The following BANP variants were observed in gnomAD, a reference collection of about 807,000 sequenced individuals.
BANP encodes the protein BTG3 associated nuclear protein.
In BANP, 11 loss-of-function variants were observed where a neutral mutation model predicts 68.1. The observed-to-expected ratio is 0.16, with a 90% CI of 0.10 to 0.27. BANP has a LOEUF of 0.27. BANP is among the 10% of genes least tolerant of loss of function. BANP has a pLI of 1.00. For missense variants in BANP, 504 were observed against 722.7 expected (o/e 0.70, Z 3.47); for synonymous variants, 329 against 303.2 (o/e 1.09, Z -0.88).
At position 88,036,400 on chromosome 16, in the gene BANP, G is replaced by C. The variant is rs775669584; in HGVS notation, c.1272+1006G>C. Among the ~76,000 whole-genome samples the C allele has an allele frequency of 5.3e-5, 8 of 152,170 alleles. No homozygotes were observed. Among genetic ancestry groups the C allele is most frequent in the Non-Finnish European group, 1.0e-4 (7 of 68,020 alleles). ...AGCTCATGCTGGGTGCAGGTGCTGT[G>C]GGGGAGCAGAGGAGAGAGAAGCCCT... On this transcript the variant is annotated intron_variant, in intron 10 of 13. Transcript: ENST00000682872. This position sits in a 1 kb window ranked among gnomAD's most constrained non-coding sequence, Gnocchi z 4.2.
chr16:88,027,289 G>T (rs553499174), intron 7 of BANP, among the ~76,000 whole-genome samples, 194 bp from the exon 8 acceptor site: 1 of 152,154 alleles, frequency 6.6e-6, no homozygotes, highest in Non-Finnish European at 1.5e-5. Context: ...CTCGTGGGGA[G>T]CCCCGCCTGT....
In BANP at chr16:88,006,139, C is replaced by A. The variant is rs1349887448; in HGVS notation, c.529C>A (p.Gln177Lys). ...CACCATTGTGGTGAAGGTGCCGGGC[C>A]AAGAAGACAGCCACCACGAGGACGG... ...QNTIVVKVPG[Q>K]EDSHHEDGES... is the part of the protein sequence containing the mutation. The change falls in exon 6 of 14, where the codon CAA becomes AAA. Residue 177 changes from glutamine to lysine, a missense_variant. Coordinates refer to ENST00000682872, the MANE Select transcript of BANP (RefSeq NM_001386991.1). 6.2e-7 allele frequency: 1 copy of A among 1,613,924 alleles called. No individual in the cohort carries two copies. Among genetic ancestry groups the A allele is most frequent in the Non-Finnish European group, 8.5e-7 (1 of 1,179,976 alleles).
At chr16:88,028,833 A>G (rs1047366336) in intron 8 of BANP, among the ~76,000 whole-genome samples, 11 of 152,336 alleles carry the variant, frequency 7.2e-5, no homozygotes, top group Admixed American at 5.2e-4. Context: ...GCATGATACC[A>G]TTTTTATTGC....
intron 4 of BANP, among the ~76,000 whole-genome samples, chr16:88,001,045 T>G (rs865892188): frequency 4.3e-4 from 23 of 52,962 alleles, no homozygotes; most frequent in African/African-American, 2.0e-3. Context: ...TGCGCGGCTG[T>G]ACTTACCTGT....
chr16:88,017,947 C>T (rs1028120214), intron 6 of BANP, among the ~76,000 whole-genome samples: 17 of 151,990 alleles, frequency 1.1e-4, no homozygotes, highest in African/African-American at 3.4e-4. Flanking sequence ...ACGGGGGCGA[C>T]GCCAGGCCGG....
intron 9 of BANP, chr16:88,035,036 G>T (rs964476146): frequency 1.3e-5 from 5 of 371,384 alleles, no homozygotes; most frequent in African/African-American, 1.0e-4. Context: ...GCACATATGG[G>T]CGGGAAAAAG....
At chr16:88,073,280 T>G (rs1413993029) in intron 13 of BANP, among the ~76,000 whole-genome samples, 2 of 152,230 alleles carry the variant, frequency 1.3e-5, no homozygotes, top group East Asian at 3.9e-4. Flanking sequence ...CGCTCACGTC[T>G]TCACAGCGGG....
At chr16:88,052,248 C>T (rs2083430582) in intron 11 of BANP, among the ~76,000 whole-genome samples, 1 of 152,202 alleles carries the variant, frequency 6.6e-6, no homozygotes, top group South Asian at 2.1e-4. Flanking sequence ...CCACGTCATC[C>T]TTAGAAAGCT....
chr16:88,051,082 C>T (rs2083153706), intron 11 of BANP, among the ~76,000 whole-genome samples: 2 of 152,230 alleles, frequency 1.3e-5, no homozygotes, highest in Non-Finnish European at 2.9e-5. Context: ...ACTCTTCTCC[C>T]GTGATCTCTT....
chr16:87,989,205 G>T (rs11866036), intron 4 of BANP, among the ~76,000 whole-genome samples: 1 of 152,336 alleles, frequency 6.6e-6, no homozygotes, highest in African/African-American at 2.4e-5. Context: ...AGTCGTCATC[G>T]ACTTGGGGAC....
intron 11 of BANP, among the ~76,000 whole-genome samples, chr16:88,063,226 C>T (rs534519995): frequency 8.5e-5 from 13 of 152,348 alleles, no homozygotes; most frequent in Middle Eastern, 3.4e-3. Context: ...CTGCTGACCC[C>T]GGTTCCCTTA....
intron 1 of BANP, among the ~76,000 whole-genome samples, chr16:87,955,734 T>C (rs1449218485): frequency 2.0e-5 from 3 of 150,814 alleles, no homozygotes; most frequent in African/African-American, 7.3e-5. Context: ...ACCCAGCAGA[T>C]ACTGTGTGAA....
At chr16:87,988,248 C>T (rs2064968372) in intron 4 of BANP, among the ~76,000 whole-genome samples, 1 of 152,100 alleles carries the variant, frequency 6.6e-6, no homozygotes, top group African/African-American at 2.4e-5. Flanking sequence ...TAAGGTGCTT[C>T]TATGGATTAT....
chr16:87,989,150 T>A (rs149499203), intron 4 of BANP, among the ~76,000 whole-genome samples: 9 of 152,304 alleles, frequency 5.9e-5, no homozygotes, highest in African/African-American at 2.2e-4. Context: ...TAAAGTTGAA[T>A]CATTGTAATA....
intron 11 of BANP, among the ~76,000 whole-genome samples, chr16:88,063,488 CCTCCCAGCCTGGA>C (rs1426646529): frequency 6.6e-6 from 1 of 152,240 alleles, no homozygotes; most frequent in Non-Finnish European, 1.5e-5. Context: ...AAGTGAGTCC[CCTCCCAGCCTGGA>C]CTCTCAGCCC....
intron 8 of BANP, among the ~76,000 whole-genome samples, chr16:88,029,735 C>T (rs565406751): frequency 6.6e-6 from 1 of 152,166 alleles, no homozygotes; most frequent in Admixed American, 6.5e-5. Context: ...TGTCCTAAGA[C>T]GTTAGACAAG....
chr16:87,955,128 CAGG>C (rs1809405193), intron 1 of BANP, among the ~76,000 whole-genome samples: 1 of 152,196 alleles, frequency 6.6e-6, no homozygotes, highest in Admixed American at 6.5e-5. Context: ...TGCTGGGGTC[CAGG>C]AGGGCCTGCA....
intron 6 of BANP, among the ~76,000 whole-genome samples, chr16:88,009,081 C>G (rs959309206): frequency 4.6e-5 from 7 of 152,150 alleles, no homozygotes; most frequent in Admixed American, 3.9e-4. Flanking sequence ...GGAAAATAGC[C>G]AATCCATTAA....
At chr16:88,039,073 G>A (rs980937030) in intron 11 of BANP, among the ~76,000 whole-genome samples, 3 of 152,196 alleles carry the variant, frequency 2.0e-5, no homozygotes, top group Non-Finnish European at 2.9e-5. Flanking sequence ...ATGTGCTCCC[G>A]TGGGCTTTCC....
Sources: allele counts gnomAD v4.1 joint callset (sites outside exome capture counted in the v4.1 genomes callset), GRCh38; gene constraint gnomAD v4.1.1; non-coding constraint Gnocchi (gnomAD v3.1); transcripts MANE v1.5; gene names NCBI Gene and HGNC (gene_info 2026-07-23, HGNC 2026-07-21).